The following WDR43 variants were observed in gnomAD, a reference collection of about 807,000 sequenced individuals.
WDR43 encodes the protein WD repeat-containing protein 43.
A neutral mutation model predicts 91.4 loss-of-function variants in WDR43; 13 were observed. That is an observed-to-expected ratio of 0.14 (90% confidence interval 0.09 to 0.23). The LOEUF (loss-of-function observed/expected upper bound fraction) is 0.23. Among genes scored for constraint, WDR43 ranks in the 10% least tolerant of loss-of-function variants. The pLI is 1.00. For missense variants in WDR43, 780 were observed against 809.4 expected (o/e 0.96, Z 0.44); for synonymous variants, 331 against 287.9 (o/e 1.15, Z -1.51).
intron 11 of WDR43, among the ~76,000 whole-genome samples, chr2:28,932,477 T>G (rs1052323891): frequency 6.6e-6 from 1 of 152,250 alleles, no homozygotes; most frequent in Admixed American, 6.5e-5. Context: ...AAACCCTTTT[T>G]TAAAAAAGAA....
chr2:28,945,219 G>T (rs1216637952), intron 16 of WDR43, among the ~76,000 whole-genome samples: 3 of 151,818 alleles, frequency 2.0e-5, no homozygotes, highest in African/African-American at 4.9e-5. Context: ...GATAGAAGAA[G>T]AATGTTAGAA....
intron 2 of WDR43, among the ~76,000 whole-genome samples, chr2:28,904,624 T>C (rs933841555): frequency 1.3e-5 from 2 of 152,250 alleles, no homozygotes; most frequent in African/African-American, 4.8e-5. Context: ...CAAGGTTGAA[T>C]ATTTTGGTAT....
intron 2 of WDR43, among the ~76,000 whole-genome samples, chr2:28,902,802 A>G (rs938389457): frequency 6.6e-6 from 1 of 152,236 alleles, no homozygotes; most frequent in African/African-American, 2.4e-5. Flanking sequence ...GCTGAGTCCC[A>G]GCATCACAGC....
At chr2:28,941,676 G>A (rs942429805) in intron 15 of WDR43, 102 bp downstream of exon 15, 1 of 868,610 alleles carries the variant, frequency 1.2e-6, no homozygotes, top group Non-Finnish European at 1.8e-6. Flanking sequence ...TGTCGCTCAG[G>A]CTGCACTGCG....
At chr2:28,906,630 C>G in intron 3 of WDR43, 49 bp downstream of exon 3, 1 of 1,582,026 alleles carries the variant, frequency 6.3e-7, no homozygotes, top group Non-Finnish European at 8.6e-7. Flanking sequence ...TGGATAAATG[C>G]TGGACTTGTG....
intron 11 of WDR43, among the ~76,000 whole-genome samples, chr2:28,932,066 A>G (rs984448372): frequency 2.0e-5 from 3 of 151,930 alleles, no homozygotes; most frequent in African/African-American, 7.3e-5. Context: ...TTTGGTAGAG[A>G]CAGGGTCTGC....
intron 7 of WDR43, 114 bp from the exon 8 acceptor site, chr2:28,924,868 T>C (rs1671098132): frequency 1.6e-6 from 2 of 1,253,264 alleles, no homozygotes; most frequent in East Asian, 4.7e-5. Context: ...TGACTCCTGA[T>C]GGCAGTATAG....
In WDR43 at chr2:28,946,604, A is replaced by G. The variant is rs570253623; in HGVS notation, c.1859A>G (p.Asn620Ser). The G allele has an allele frequency of 1.3e-6, 2 of 1,559,966 alleles. No individual in the cohort carries two copies. Among genetic ancestry groups the G allele is most frequent in the East Asian group, 4.8e-5 (2 of 42,026 alleles). The change falls in exon 18 of 18, where the codon AAT becomes AGT. Residue 620 changes from asparagine to serine, a missense_variant. Coordinates refer to ENST00000407426, the MANE Select transcript of WDR43 (RefSeq NM_015131.3). ...DEIADKDSEDNWDEDEEESES... is the reference protein window; with the variant it reads ...DEIADKDSEDSWDEDEEESES... ...CCTTGTTGGTATTTCGACTAGGATA[A>G]TTGGGATGAAGATGAGGAGGAGAGT...
At chr2:28,926,293 G>A (rs2148191693) in intron 8 of WDR43, among the ~76,000 whole-genome samples, 175 bp from the exon 9 acceptor site, 1 of 152,290 alleles carries the variant, frequency 6.6e-6, no homozygotes, top group South Asian at 2.1e-4. Flanking sequence ...GTCAGTCTGA[G>A]TGGTGATCGT....
chr2:28,936,817 A>G, intron 12 of WDR43, 105 bp from the exon 13 acceptor site: 1 of 1,033,024 alleles, frequency 9.7e-7, no homozygotes, highest in Non-Finnish European at 1.5e-6. Context: ...AAAATAGACT[A>G]CTTATTAGAA....
At chr2:28,923,964 G>A (rs989568190) in intron 7 of WDR43, among the ~76,000 whole-genome samples, 1 of 152,134 alleles carries the variant, frequency 6.6e-6, no homozygotes, top group African/African-American at 2.4e-5. Flanking sequence ...AGGGTGAAAG[G>A]CTAAAGTAGA....
At chr2:28,921,399 T>A (rs1339156769) in intron 6 of WDR43, among the ~76,000 whole-genome samples, 1 of 152,228 alleles carries the variant, frequency 6.6e-6, no homozygotes, top group Non-Finnish European at 1.5e-5. Flanking sequence ...GTGCTGGGTT[T>A]ACAGGTGTGA....
At chr2:28,913,319 A>G (rs570959711) in intron 4 of WDR43, among the ~76,000 whole-genome samples, 2 of 152,078 alleles carry the variant, frequency 1.3e-5, no homozygotes, top group South Asian at 4.2e-4. Context: ...CAAAAAAGAA[A>G]GTTACCTTTT....
intron 16 of WDR43, among the ~76,000 whole-genome samples, chr2:28,944,054 C>G (rs951991782): frequency 3.3e-5 from 5 of 152,216 alleles, no homozygotes; most frequent in Admixed American, 3.3e-4. Context: ...GCCCAGAACT[C>G]TTTGAGCGGC....
chr2:28,934,982 TC>T (rs1671312176), intron 11 of WDR43, among the ~76,000 whole-genome samples: 1 of 152,172 alleles, frequency 6.6e-6, no homozygotes, highest in Non-Finnish European at 1.5e-5. Flanking sequence ...ACTGATCTGC[TC>T]TGTGTCCTTT....
chr2:28,945,040 T>C (rs572344434), intron 16 of WDR43, among the ~76,000 whole-genome samples: 1 of 152,362 alleles, frequency 6.6e-6, no homozygotes, highest in East Asian at 1.9e-4. Context: ...ATGTCTTTCA[T>C]GAATATGTAC....
chr2:28,929,732 A>G (rs756221392), intron 11 of WDR43, 22 bp downstream of exon 11: 1 of 1,601,928 alleles, frequency 6.2e-7, no homozygotes, highest in South Asian at 1.1e-5. Context: ...GCAATTTTTA[A>G]CTAAATTAAC....
In WDR43 at chr2:28,912,716, C is replaced by T. The variant is rs752882095; in HGVS notation, c.606+6C>T. ...AGACCAAAGAAGTCTACAGGGTGAG[C>T]GAATCAAATTATTTGTAAGCATAAA... is the stretch of plus-strand genomic sequence containing the variant. On this transcript the variant is annotated splice_donor_region_variant and intron_variant, in intron 4 of 17. Transcript: ENST00000407426. 8.7e-6 allele frequency: 14 copies of T among 1,611,322 alleles called. No individual in the cohort carries two copies. Among genetic ancestry groups the T allele is most frequent in the Admixed American group, 3.4e-5 (2 of 59,302 alleles).
intron 15 of WDR43, among the ~76,000 whole-genome samples, 178 bp downstream of exon 15, chr2:28,941,752 T>C (rs567717324): frequency 6.6e-6 from 1 of 152,278 alleles, no homozygotes; most frequent in Admixed American, 6.5e-5. Flanking sequence ...ACTACACGGA[T>C]GCACCACCAT....
Sources: allele counts gnomAD v4.1 joint callset (sites outside exome capture counted in the v4.1 genomes callset), GRCh38; gene constraint gnomAD v4.1.1; transcripts MANE v1.5; gene names NCBI Gene and HGNC (gene_info 2026-07-23, HGNC 2026-07-21).